Variants in KLHL5 observed in about 807,000 individuals in gnomAD.
KLHL5 encodes the protein kelch-like protein 5.
Under a neutral mutation model 77.7 loss-of-function variants are expected in KLHL5, and 48 were observed. That is an observed-to-expected ratio of 0.62 (90% CI 0.49 to 0.79). The LOEUF is 0.79. Among genes scored for constraint, KLHL5 ranks in the 30% least tolerant of loss-of-function variants. The pLI is 0.00. For synonymous variants in KLHL5, 260 were observed against 297.0 expected (o/e 0.88, Z 1.28); for missense variants, 723 against 859.7 (o/e 0.84, Z 1.99).
intron 8 of KLHL5, among the ~76,000 whole-genome samples, chr4:39,108,437 G>A (rs1039486198): frequency 2.0e-5 from 3 of 151,950 alleles, no homozygotes; most frequent in Admixed American, 2.0e-4. Flanking sequence ...GGTTAAAATA[G>A]AATTAAAATT....
At chr4:39,096,391 G>A (rs866042039) in intron 5 of KLHL5, among the ~76,000 whole-genome samples, 11 of 151,880 alleles carry the variant, frequency 7.2e-5, no homozygotes, top group Non-Finnish European at 1.0e-4. Context: ...AGAAAATCTG[G>A]AAATTATAGA....
intron 1 of KLHL5, among the ~76,000 whole-genome samples, chr4:39,049,713 AAAATAAAT>A (rs112120175): frequency 3.3e-4 from 6 of 18,124 alleles, no homozygotes; most frequent in Non-Finnish European, 9.1e-4. Context: ...AAATAAATAA[AAAATAAAT>A]AAATAAATAA....
chr4:39,078,314 C>T (rs1013588488), intron 2 of KLHL5, among the ~76,000 whole-genome samples: 1 of 151,542 alleles, frequency 6.6e-6, no homozygotes, highest in African/African-American at 2.4e-5. Flanking sequence ...TGAACCCAGG[C>T]AGCAGAGGTT....
At chr4:39,045,686 T>A (rs75686718) in intron 1 of KLHL5, among the ~76,000 whole-genome samples, 6,866 of 152,110 alleles carry the variant, frequency 0.045, 510 homozygotes, top group African/African-American at 0.16. Context: ...AAGCTGGCGG[T>A]AAAAGTTTGC....
At chr4:39,082,432 G>A (rs1238936348) in intron 4 of KLHL5, among the ~76,000 whole-genome samples, 1 of 152,158 alleles carries the variant, frequency 6.6e-6, no homozygotes, top group East Asian at 1.9e-4. Flanking sequence ...CAGATTTGCT[G>A]CTTTTTAAAA....
At chr4:39,139,685 G>A in the KLHL5 span, among the ~76,000 whole-genome samples, 69 of 152,252 alleles carry the variant, frequency 4.5e-4, no homozygotes, top group African/African-American at 1.6e-3. Context: ...ATTTTGCTGT[G>A]AACCTAAAAA....
At chr4:39,108,896 T>G (rs4974931) in intron 8 of KLHL5, among the ~76,000 whole-genome samples, 79,724 of 151,974 alleles carry the variant, frequency 0.52, 21,527 homozygotes, top group Non-Finnish European at 0.59. Context: ...CTGCCTTCTC[T>G]AAAACCTGAT....
chr4:39,136,170 ATT>A, the KLHL5 span, among the ~76,000 whole-genome samples: 2 of 149,900 alleles, frequency 1.3e-5, no homozygotes, highest in Admixed American at 1.3e-4. Flanking sequence ...AATAATAATA[ATT>A]TTTTTTTTAA....
chr4:39,116,833 T>C (rs1463179615), intron 10 of KLHL5, among the ~76,000 whole-genome samples: 2 of 151,820 alleles, frequency 1.3e-5, no homozygotes, highest in African/African-American at 2.4e-5. Context: ...TTGTGGGTTT[T>C]TTTGTTTTGG....
intron 5 of KLHL5, among the ~76,000 whole-genome samples, chr4:39,092,031 T>A (rs1720629553): frequency 6.6e-6 from 1 of 151,980 alleles, no homozygotes; most frequent in African/African-American, 2.4e-5. Context: ...ATTATTCACA[T>A]TCTATTTGTG....
upstream of KLHL5, among the ~76,000 whole-genome samples, chr4:39,059,402 A>G (rs369484632): frequency 1.2e-4 from 18 of 152,310 alleles, no homozygotes; most frequent in African/African-American, 3.8e-4. Context: ...GAAAATGTAA[A>G]GGAAAACCAA....
Position 39,113,073 on chromosome 4 carries a change from G to A in KLHL5, c.1742G>A (p.Cys581Tyr). ...AGTTCTTGTCTCAAATCAGTAGAATGTTTTGATCCTCATACTAATAAGTGG... is the reference window on the plus strand; with the variant it reads ...AGTTCTTGTCTCAAATCAGTAGAATATTTTGATCCTCATACTAATAAGTGG... Reference protein sequence around the residue: ...DGSSCLKSVECFDPHTNKWTL... With the variant: ...DGSSCLKSVEYFDPHTNKWTL... Residue 581 changes from cysteine (C) to tyrosine (Y), a missense_variant, in exon 9 of 11, where the codon TGT becomes TAT. By Grantham distance (194) the Cys-to-Tyr change is radical (BLOSUM62 -2). Transcript: ENST00000504108. 1 of 1,614,030 alleles carries A rather than the reference G, an allele frequency of 6.2e-7. No homozygotes were observed. Among genetic ancestry groups the A allele is most frequent in the Non-Finnish European group, 8.5e-7 (1 of 1,179,976 alleles).
downstream of KLHL5, among the ~76,000 whole-genome samples, chr4:39,128,895 G>C (rs1005990495): frequency 1.3e-5 from 2 of 152,172 alleles, no homozygotes; most frequent in African/African-American, 4.8e-5. Flanking sequence ...GAGCCTGGGA[G>C]GCCAAGGCTG....
intron 2 of KLHL5, among the ~76,000 whole-genome samples, chr4:39,077,778 A>G (rs1386392730): frequency 2.0e-5 from 3 of 152,024 alleles, no homozygotes; most frequent in African/African-American, 7.2e-5. Flanking sequence ...ACTACTAACT[A>G]TCAATTCAGA....
chr4:39,136,484 A>G, the KLHL5 span, among the ~76,000 whole-genome samples: 1 of 152,088 alleles, frequency 6.6e-6, no homozygotes. Context: ...TCAGGCCTAA[A>G]GCCATTAGGT....
chr4:39,059,925 A>G (rs1420389622), upstream of KLHL5, among the ~76,000 whole-genome samples: 1 of 152,066 alleles, frequency 6.6e-6, no homozygotes, highest in East Asian at 1.9e-4. Flanking sequence ...AAATGCACAT[A>G]CCTTCAACCC....
intron 5 of KLHL5, chr4:39,093,347 T>A: frequency 2.2e-6 from 1 of 453,110 alleles, no homozygotes; most frequent in Non-Finnish European, 4.4e-6. Flanking sequence ...AAGATGGGAA[T>A]GAGGATCAAC....
intron 1 of KLHL5, among the ~76,000 whole-genome samples, chr4:39,050,234 G>T (rs1377934469): frequency 6.6e-6 from 1 of 152,116 alleles, no homozygotes; most frequent in Non-Finnish European, 1.5e-5. Context: ...TATATAAACT[G>T]TTACACTTTG....
At chr4:39,128,098 G>A (rs935824877), downstream of KLHL5, among the ~76,000 whole-genome samples, 5 of 152,148 alleles carry the variant, frequency 3.3e-5, no homozygotes, top group African/African-American at 1.2e-4. Flanking sequence ...AGTAATAGAT[G>A]ATAAAACAAA....
Sources: gnomAD v4.1 joint callset for allele counts (sites outside exome capture counted in the v4.1 genomes callset) on GRCh38, gnomAD v4.1.1 for gene constraint, MANE v1.5 for transcripts, NCBI Gene and HGNC (gene_info 2026-07-23, HGNC 2026-07-21) for gene names.